Variants in TMEM117 observed in about 807,000 individuals in gnomAD.
TMEM117 encodes the protein transmembrane protein 117.
In TMEM117, 27 loss-of-function variants were observed where a neutral mutation model predicts 52.4. The ratio of observed to expected loss-of-function variants is 0.51; its 90% CI spans 0.38 to 0.71. The LOEUF is 0.71. Ranked by LOEUF, TMEM117 falls within the 30% of genes least tolerant of loss-of-function variation. TMEM117 has a pLI of 0.00. For synonymous variants in TMEM117, 215 were observed against 206.3 expected, an observed-to-expected ratio of 1.04 and a Z score of -0.36; for missense variants, 556 against 630.5, an observed-to-expected ratio of 0.88 and a Z score of 1.26.
chr12:43,907,805 A>G (rs1944420322), intron 2 of TMEM117, among the ~76,000 whole-genome samples: 1 of 142,306 alleles, frequency 7.0e-6, no homozygotes, highest in African/African-American at 2.5e-5. Flanking sequence ...AAAAAAGAAT[A>G]AAAAGAAATG....
intron 5 of TMEM117, among the ~76,000 whole-genome samples, chr12:44,249,465 A>C (rs757665962): frequency 7.9e-5 from 12 of 152,172 alleles, no homozygotes; most frequent in Non-Finnish European, 1.6e-4. Context: ...TACCATTGAA[A>C]TTCTTCACAG....
chr12:44,100,252 A>C (rs1232236481), intron 3 of TMEM117, among the ~76,000 whole-genome samples: 1 of 151,994 alleles, frequency 6.6e-6, no homozygotes, highest in Non-Finnish European at 1.5e-5. Flanking sequence ...TCTGTTATCT[A>C]CTAATATGTG....
Position 43,976,889 on chromosome 12 carries a change from A to G in TMEM117, c.410+32547A>G, listed in dbSNP as rs185932435. Among the ~76,000 whole-genome samples the G allele has an allele frequency of 2.8e-3, 419 of 152,320 alleles. 4 individuals are homozygous for G. The highest frequency in any genetic ancestry group is 9.5e-3 in the African/African-American group (394 of 41,576). The stretch of plus-strand genomic sequence containing the variant: ...AATTAGTAAATAACATAAGACAAAC[A>G]TGAGTATAATCAGTAACATTCTTTT... On this transcript the variant is annotated intron_variant, in intron 3 of 7. Coordinates refer to ENST00000266534, the MANE Select transcript of TMEM117 (RefSeq NM_032256.3).
rs373347608 is a variant in TMEM117 at position 44,117,830 on chromosome 12, G to A, written c.411-25695G>A. Among the ~76,000 whole-genome samples, 13 of 152,020 alleles carry A rather than the reference G, an allele frequency of 8.6e-5. No individual in the cohort carries two copies. In the East Asian group the frequency reaches 2.5e-3, roughly 29 times the overall value. On this transcript the variant is annotated intron_variant, in intron 3 of 7. Coordinates refer to ENST00000266534, the MANE Select transcript of TMEM117 (RefSeq NM_032256.3). ...TTTGACTCTCCTTTAAGTACCTCCT[G>A]CTTCTTTGAGTAAGGAGATCCTACC...
chr12:43,954,761 A>G (rs1286841188), intron 3 of TMEM117, among the ~76,000 whole-genome samples: 1 of 152,228 alleles, frequency 6.6e-6, no homozygotes, highest in East Asian at 1.9e-4. Flanking sequence ...AAAAGGAGGG[A>G]ATCCTCCATA....
At chr12:43,806,257 C>T in the TMEM117 span, 2 of 1,523,418 alleles carry the variant, frequency 1.3e-6, no homozygotes, top group African/African-American at 2.9e-5. Context: ...GCGGCGGCCG[C>T]TAGCTCCCGG....
rs998670750 is a variant in TMEM117, at chr12:44,245,881, C to T, written c.608+34494C>T. On this transcript the variant is annotated intron_variant, in intron 5 of 7. Coordinates refer to ENST00000266534, the MANE Select transcript of TMEM117 (RefSeq NM_032256.3). ...GCCTACAGTTATTGGTTGGAAATGA[C>T]CATTTAAAAGAAATACATTTTATAT... is the stretch of plus-strand genomic sequence containing the variant. Among the ~76,000 whole-genome samples, 4 of 151,992 alleles carry T rather than the reference C, an allele frequency of 2.6e-5. No individual in the cohort carries two copies. The South Asian group carries it at 6.2e-4, about 24-fold the overall frequency.
chr12:43,826,754 G>C, the TMEM117 span, among the ~76,000 whole-genome samples: 2 of 152,130 alleles, frequency 1.3e-5, no homozygotes, highest in Admixed American at 1.3e-4. Flanking sequence ...GAGAGCTGAG[G>C]AGGAAAGCTA....
chr12:43,806,373 C>G, the TMEM117 span: 1 of 1,227,820 alleles, frequency 8.1e-7, no homozygotes, highest in Non-Finnish European at 1.0e-6. Flanking sequence ...GGCCGCCCCG[C>G]CCCGTGAGGT....
intron 4 of TMEM117, among the ~76,000 whole-genome samples, chr12:44,184,983 G>A (rs1312620397): frequency 1.3e-5 from 2 of 152,048 alleles, no homozygotes; most frequent in African/African-American, 2.4e-5. Flanking sequence ...ATTCCTTAAG[G>A]TAAGCCCTAC....
intron 6 of TMEM117, among the ~76,000 whole-genome samples, chr12:44,318,655 T>C (rs1424940055): frequency 1.3e-5 from 2 of 152,108 alleles, no homozygotes; most frequent in Non-Finnish European, 2.9e-5. Context: ...GCCAGAAATC[T>C]GCCAGGGTAT....
intron 6 of TMEM117, among the ~76,000 whole-genome samples, chr12:44,357,992 T>A (rs1175753269): frequency 6.6e-6 from 1 of 152,082 alleles, no homozygotes; most frequent in South Asian, 2.1e-4. Context: ...TATGCAGCCA[T>A]AACAAAGAAC....
At chr12:44,263,831 A>G (rs1950348130) in intron 5 of TMEM117, 1 of 152,222 alleles carries the variant, frequency 6.6e-6, no homozygotes, top group African/African-American at 2.4e-5. Flanking sequence ...GGAAAATATA[A>G]ATATAAAATA....
the TMEM117 span, chr12:43,806,100 C>T: frequency 2.0e-6 from 3 of 1,521,798 alleles, no homozygotes; most frequent in East Asian, 5.0e-5. Context: ...CCCGGCTCGC[C>T]CCGCGAGACC....
At chr12:43,806,308 C>G in the TMEM117 span, 1 of 1,426,952 alleles carries the variant, frequency 7.0e-7, no homozygotes. Context: ...GCCGGCGGCC[C>G]CAGGAAGTGG....
At chr12:43,835,992 G>A (rs935795873), upstream of TMEM117, 1 of 151,366 alleles carries the variant, frequency 6.6e-6, no homozygotes, top group Non-Finnish European at 1.5e-5. Flanking sequence ...GCGCGGCGCG[G>A]TGAAGCACCG....
chr12:44,242,527 A>T (rs908391571), intron 5 of TMEM117, among the ~76,000 whole-genome samples: 8 of 151,512 alleles, frequency 5.3e-5, no homozygotes, highest in Non-Finnish European at 1.2e-4. Context: ...CATTTTCTTT[A>T]TTCAATCTGT....
intron 4 of TMEM117, among the ~76,000 whole-genome samples, chr12:44,165,801 G>A (rs1306075864): frequency 6.6e-6 from 1 of 152,138 alleles, no homozygotes; most frequent in African/African-American, 2.4e-5. Context: ...CCCACTCTCA[G>A]CATTGGACAG....
At chr12:44,378,839 A>G (rs1331728647) in intron 7 of TMEM117, among the ~76,000 whole-genome samples, 2 of 152,160 alleles carry the variant, frequency 1.3e-5, no homozygotes, top group African/African-American at 4.8e-5. Context: ...AGCTCCCCCA[A>G]GTGATGTTGA....
Sources: gnomAD v4.1 joint callset for allele counts (sites outside exome capture counted in the v4.1 genomes callset) on GRCh38, gnomAD v4.1.1 for gene constraint, MANE v1.5 for transcripts, NCBI Gene and HGNC (gene_info 2026-07-23, HGNC 2026-07-21) for gene names.